The following SUCO variants were observed in gnomAD, a reference collection of about 807,000 sequenced individuals.
SUCO encodes the protein SUN domain containing ossification factor, also known as SUN domain-containing ossification factor.
A neutral mutation model predicts 148.1 loss-of-function variants in SUCO; 57 were observed. That is an observed-to-expected ratio of 0.38 (90% CI 0.31 to 0.48). SUCO has a LOEUF of 0.48. SUCO is among the 20% of genes least tolerant of loss of function. The probability of loss-of-function intolerance (pLI) is 0.96; values close to 1 mark genes in which losing one functional copy is unlikely to be tolerated. For missense variants in SUCO, 1,331 were observed against 1,468.2 expected (o/e 0.91, Z 1.53); for synonymous variants, 470 against 502.7 (o/e 0.93, Z 0.87).
In SUCO at chr1:172,588,873, C is replaced by A; in HGVS notation, c.1772C>A (p.Ser591Tyr). ...VQEEEEEASP[S>Y]TVTLLGSGEQ... ...GAGGAGGAAGAGGAGGCAAGTCCATCTACAGTGACCCTTCTGGGCAGCGGT... is the reference window on the plus strand; with the variant it reads ...GAGGAGGAAGAGGAGGCAAGTCCATATACAGTGACCCTTCTGGGCAGCGGT... Residue 591 changes from serine (S) to tyrosine (Y), a missense_variant, in exon 18 of 24, where the codon TCT (serine) becomes TAT (tyrosine). Transcript: ENST00000263688. 6.2e-7 allele frequency: 1 copy of A among 1,613,370 alleles called. No individual in the cohort carries two copies. The highest frequency in any genetic ancestry group is 8.5e-7 in the Non-Finnish European group (1 of 1,179,670).
intron 6 of SUCO, among the ~76,000 whole-genome samples, chr1:172,561,665 A>G (rs1040809770): frequency 4.6e-5 from 7 of 152,006 alleles, no homozygotes; most frequent in Non-Finnish European, 7.4e-5. Flanking sequence ...GTATTACACT[A>G]TTTTGCTCCC....
At chr1:172,605,249 A>G (rs1571299354) in intron 22 of SUCO, among the ~76,000 whole-genome samples, 1 of 151,856 alleles carries the variant, frequency 6.6e-6, no homozygotes, top group South Asian at 2.1e-4. Context: ...AATCATTATC[A>G]AGTTCAAGGT....
intron 12 of SUCO, 79 bp from the exon 13 acceptor site, chr1:172,577,685 A>T: frequency 6.4e-7 from 1 of 1,573,508 alleles, no homozygotes; most frequent in Non-Finnish European, 8.7e-7. Context: ...AAATGTTATA[A>T]TGAAAAAACT....
intron 6 of SUCO, among the ~76,000 whole-genome samples, chr1:172,561,356 A>C (rs900973550): frequency 3.3e-5 from 5 of 152,136 alleles, no homozygotes; most frequent in Non-Finnish European, 5.9e-5. Flanking sequence ...GTGGTTAGTT[A>C]GGAGGTCTGT....
At chr1:172,596,603 T>C (rs1657116111) in intron 19 of SUCO, among the ~76,000 whole-genome samples, 1 of 152,194 alleles carries the variant, frequency 6.6e-6, no homozygotes. Flanking sequence ...GAACAGCCAA[T>C]ATTGCAGAAT....
chr1:172,550,216 G>A (rs1174295379), intron 1 of SUCO, among the ~76,000 whole-genome samples: 1 of 151,822 alleles, frequency 6.6e-6, no homozygotes, highest in East Asian at 1.9e-4. Context: ...TATATAAAAA[G>A]TCTCCCTTTT....
chr1:172,608,092 A>G (rs778453287), intron 22 of SUCO: 29 of 984,844 alleles, frequency 2.9e-5, no homozygotes, highest in Non-Finnish European at 3.5e-5. Flanking sequence ...TAGAGTAATG[A>G]AACCTTAGAA....
At chr1:172,563,889 G>T (rs1204619790) in intron 6 of SUCO, among the ~76,000 whole-genome samples, 1 of 152,210 alleles carries the variant, frequency 6.6e-6, no homozygotes, top group Non-Finnish European at 1.5e-5. Flanking sequence ...CCAGTCCCCG[G>T]GTCCTGCTGC....
chr1:172,579,067 T>C, intron 14 of SUCO, 135 bp from the exon 15 acceptor site: 1 of 590,552 alleles, frequency 1.7e-6, no homozygotes, highest in South Asian at 2.0e-5. Context: ...GAACATGTTT[T>C]AGATATATGA....
At position 172,545,879 on chromosome 1, in the gene SUCO, G is replaced by A. The variant is rs973094117; in HGVS notation, c.63-5633G>A. On this transcript the variant is annotated intron_variant, in intron 1 of 23. Coordinates refer to ENST00000263688, the MANE Select transcript of SUCO (RefSeq NM_014283.5). ...TTGAGGCATATAGGCTGGCCTGCCT[G>A]CCTTCCGTCCTTCTGTCCGTCCGTC... Among the ~76,000 whole-genome samples, 19 of 152,106 alleles carry A rather than the reference G, an allele frequency of 1.2e-4. 1 individual carries two copies. Among genetic ancestry groups the A allele is most frequent in the African/African-American group, 4.6e-4 (19 of 41,416 alleles).
chr1:172,554,747 A>C (rs1253817133), intron 3 of SUCO, among the ~76,000 whole-genome samples: 1 of 152,098 alleles, frequency 6.6e-6, no homozygotes. Context: ...CAAAAAAAAA[A>C]AAAAAAGCAT....
intron 1 of SUCO, among the ~76,000 whole-genome samples, chr1:172,545,930 C>A (rs1276472923): frequency 1.3e-5 from 2 of 151,994 alleles, no homozygotes; most frequent in Non-Finnish European, 2.9e-5. Flanking sequence ...CCTTTCCTTT[C>A]CTTTCCTTTC....
chr1:172,556,716 G>A, intron 4 of SUCO: 1 of 985,166 alleles, frequency 1.0e-6, no homozygotes, highest in Non-Finnish European at 1.2e-6. Flanking sequence ...ATGGGCCAGG[G>A]AACAGAAGAC....
At position 172,578,498 on chromosome 1, in the gene SUCO, A is replaced by T. The variant is rs546554795; in HGVS notation, c.1432+109A>T. ...TTAAATCAATATGACTGTTGTCTTCAGGCTTTTGTTTTGTTGTTTTTAACT... is the reference window on the plus strand; with the variant it reads ...TTAAATCAATATGACTGTTGTCTTCTGGCTTTTGTTTTGTTGTTTTTAACT... On this transcript the variant is annotated intron_variant, in intron 14 of 23. Transcript: ENST00000263688. The T allele has an allele frequency of 4.4e-5, 61 of 1,391,582 alleles. No homozygotes were observed. In the South Asian group the frequency reaches 8.8e-4, roughly 20 times the overall value. The allele number at this position is 1,391,582 out of a possible 1,614,324, so 86.2% of individuals were successfully genotyped here.
At chr1:172,569,852 TGGG>T (rs1234038277) in intron 7 of SUCO, 192 bp from the exon 8 acceptor site, 1 of 213,158 alleles carries the variant, frequency 4.7e-6, no homozygotes, top group Admixed American at 6.5e-5. Flanking sequence ...TAATTTGTTT[TGGG>T]GGGATATTTT....
chr1:172,533,180 G>A lies in SUCO; in HGVS notation c.-256G>A. On this transcript the variant is annotated 5_prime_UTR_variant, in exon 1 of 24. Coordinates refer to ENST00000263688, the MANE Select transcript of SUCO (RefSeq NM_014283.5). ...GCGGCAGTGGCGGCTGCAGGAGGCG[G>A]GCGTGGACGAGCCGGTGGCTGCAGC... The A allele has an allele frequency of 6.7e-7, 1 of 1,491,408 alleles. No individual in the cohort carries two copies. The highest frequency in any genetic ancestry group is 8.9e-7 in the Non-Finnish European group (1 of 1,122,078). The allele number at this position is 1,491,408 out of a possible 1,614,324, so 92.4% of individuals were successfully genotyped here.
chr1:172,565,500 C>T (rs1461650425), intron 6 of SUCO, among the ~76,000 whole-genome samples: 1 of 152,206 alleles, frequency 6.6e-6, no homozygotes, highest in Non-Finnish European at 1.5e-5. Flanking sequence ...ATCTTGGGTG[C>T]AGTCTATAAT....
intron 2 of SUCO, chr1:172,552,221 A>G (rs972265766): frequency 7.2e-5 from 11 of 152,090 alleles, no homozygotes; most frequent in African/African-American, 2.7e-4. Context: ...CCCCAAAGGA[A>G]CAACAGTCTA....
rs752452626 is a variant in SUCO, at chr1:172,589,055, T to A, written c.1954T>A (p.Leu652Met). ...ALYRQRSRTA[L>M]SKGKDYLVLA... ...TTATCGGCAGCGCAGCCGAACTGCT[T>A]TGAGTAAAGGAAAAGATTATCTTGT... Residue 652 changes from leucine to methionine, a missense_variant, in exon 18 of 24, where the codon TTG becomes ATG. By Grantham distance (15) the Leu-to-Met change is conservative (BLOSUM62 2). This residue lies in a region of SUCO where 992 missense variants were observed against 1,093.5 expected (regional missense o/e 0.91). Transcript: ENST00000263688. 1 of 1,613,772 alleles carries A rather than the reference T, an allele frequency of 6.2e-7. No individual in the cohort carries two copies.
Sources: allele counts gnomAD v4.1 joint callset (sites outside exome capture counted in the v4.1 genomes callset), GRCh38; gene constraint gnomAD v4.1.1; regional missense constraint gnomAD v4.1.1; transcripts MANE v1.5; gene names NCBI Gene and HGNC (gene_info 2026-07-23, HGNC 2026-07-21).